Variants in DENND5B observed in about 807,000 individuals in gnomAD.
DENND5B encodes DENN domain containing 5B, also known as DENN domain-containing protein 5B.
DENND5B carries 34 observed loss-of-function variants against 140.6 expected under a neutral mutation model. The ratio of observed to expected loss-of-function variants is 0.24; its 90% CI spans 0.18 to 0.32. The LOEUF is 0.32. Ranked by LOEUF, DENND5B falls within the 10% of genes least tolerant of loss-of-function variation. DENND5B has a pLI of 1.00. For missense variants in DENND5B, 1,142 were observed against 1,560.2 expected (o/e 0.73, Z 4.52); for synonymous variants, 551 against 562.1 (o/e 0.98, Z 0.28).
intron 1 of DENND5B, among the ~76,000 whole-genome samples, chr12:31,571,534 T>G (rs1330535229): frequency 2.0e-5 from 3 of 152,206 alleles, no homozygotes; most frequent in East Asian, 3.8e-4. Context: ...AATTTCTATC[T>G]CTCAAAAGTA....
chr12:31,480,331 TAACA>T, intron 2 of DENND5B, 76 bp from the exon 3 acceptor site: 184 of 1,370,068 alleles, frequency 1.3e-4, no homozygotes, highest in Non-Finnish European at 1.6e-4. Flanking sequence ...GTTGTTTTTT[TAACA>T]TAACAGGATT....
At chr12:31,404,743 C>A (rs186900152) in intron 14 of DENND5B, among the ~76,000 whole-genome samples, 1 of 144,492 alleles carries the variant, frequency 6.9e-6, no homozygotes, top group Non-Finnish European at 1.5e-5. Flanking sequence ...CATAAGCCAC[C>A]GCGTCCGACC....
intron 3 of DENND5B, 132 bp downstream of exon 3, chr12:31,479,457 A>T: frequency 1.2e-6 from 1 of 851,852 alleles, no homozygotes; most frequent in Non-Finnish European, 1.6e-6. Context: ...GTCCCACCAT[A>T]CCTGCTCCCT....
chr12:31,389,526 C>T (rs1941017475), intron 19 of DENND5B, 28 bp from the exon 20 acceptor site: 3 of 1,547,642 alleles, frequency 1.9e-6, no homozygotes, highest in Non-Finnish European at 1.7e-6. Flanking sequence ...AATTATGTCA[C>T]AATATGTGTC....
At chr12:31,401,137 C>T (rs549671643) in intron 15 of DENND5B, among the ~76,000 whole-genome samples, 2 of 152,162 alleles carry the variant, frequency 1.3e-5, no homozygotes, top group Non-Finnish European at 2.9e-5. Context: ...GCCACTGGCC[C>T]GGCCAGAGCT....
At chr12:31,395,588 C>CA (rs1326089326) in intron 17 of DENND5B, among the ~76,000 whole-genome samples, 4 of 151,652 alleles carry the variant, frequency 2.6e-5, no homozygotes, top group Non-Finnish European at 5.9e-5. Context: ...AGCGAAAACT[C>CA]AGTCAAAACA....
At chr12:31,406,688 AAT>A (rs1323035317) in intron 14 of DENND5B, among the ~76,000 whole-genome samples, 1 of 152,222 alleles carries the variant, frequency 6.6e-6, no homozygotes, top group Non-Finnish European at 1.5e-5. Flanking sequence ...ATGAAAAAGC[AAT>A]ATGATTAAAT....
Position 31,395,942 on chromosome 12 carries a change from CAAAAAAAA to C in DENND5B, c.3256+2225_3256+2232del, listed in dbSNP as rs541816511. On this transcript the variant is annotated intron_variant, in intron 17 of 20. Coordinates refer to ENST00000389082, the MANE Select transcript of DENND5B (RefSeq NM_144973.4). ...AGTCAAAATTTAGTTATCACTGGGC[CAAAAAAAA>C]AAAAAAAAAAAAAGCAAGGTGTCAG... is the stretch of plus-strand genomic sequence containing the variant. Among the ~76,000 whole-genome samples, 13 of 91,758 alleles carry C rather than the reference CAAAAAAAA, an allele frequency of 1.4e-4. No individual in the cohort carries two copies. The East Asian group carries it at 2.9e-3, about 21-fold the overall frequency. The allele number at this position is 91,758 out of a possible 152,430, so 60.2% of individuals were successfully genotyped here.
intron 11 of DENND5B, among the ~76,000 whole-genome samples, chr12:31,417,082 C>T (rs546923315): frequency 9.5e-5 from 13 of 137,452 alleles, no homozygotes; most frequent in Non-Finnish European, 1.9e-4. Flanking sequence ...AAAGGCCAGG[C>T]GCTGTGGCTC....
At chr12:31,408,624 CAAAAAAAAAAAAA>C (rs33965275) in intron 14 of DENND5B, among the ~76,000 whole-genome samples, 8 of 71,960 alleles carry the variant, frequency 1.1e-4, no homozygotes, top group African/African-American at 3.7e-4. Flanking sequence ...GAGACTCTAT[CAAAAAAAAAAAAA>C]AAAAAAAAAA....
chr12:31,457,401 T>C (rs1315166508), intron 4 of DENND5B, among the ~76,000 whole-genome samples: 2 of 152,236 alleles, frequency 1.3e-5, no homozygotes, highest in Non-Finnish European at 1.5e-5. Flanking sequence ...GCAACTAAAA[T>C]CATACCTTCT....
rs1388216829 is a variant in DENND5B, at chr12:31,383,368, C to A, written c.*4235G>T. ...ACATAAGCTGTTGTATAGTCTTGAA[C>A]CTCTTTTTCACTTACATTTACATAT... On this transcript the variant is annotated 3_prime_UTR_variant, in exon 21 of 21. Coordinates refer to ENST00000389082, the MANE Select transcript of DENND5B (RefSeq NM_144973.4). The A allele has an allele frequency of 1.3e-5, 2 of 152,068 alleles. No individual in the cohort carries two copies. Among genetic ancestry groups the A allele is most frequent in the African/African-American group, 4.8e-5 (2 of 41,418 alleles). 9.4% of individuals were successfully genotyped at this position (152,068 alleles called of 1,614,324 possible). A position where few individuals can be genotyped will look rare whatever the true frequency, so the allele number is the denominator to read the frequency against.
At chr12:31,488,244 G>A (rs1430911852) in intron 2 of DENND5B, among the ~76,000 whole-genome samples, 3 of 151,690 alleles carry the variant, frequency 2.0e-5, no homozygotes, top group Admixed American at 6.6e-5. Flanking sequence ...CCAAAGTGCT[G>A]GGATTACAGT....
At chr12:31,413,705 A>C in intron 12 of DENND5B, 141 bp from the exon 13 acceptor site, 10 of 972,418 alleles carry the variant, frequency 1.0e-5, no homozygotes, top group Non-Finnish European at 1.4e-5. Flanking sequence ...ATGTTGATTA[A>C]ATCTTTGAAG....
intron 1 of DENND5B, among the ~76,000 whole-genome samples, chr12:31,557,715 TAG>T (rs1266872031): frequency 1.3e-5 from 2 of 150,544 alleles, no homozygotes; most frequent in East Asian, 3.9e-4. Flanking sequence ...TTAGGTATTT[TAG>T]AGAGTAGGGA....
At position 31,384,219 on chromosome 12, in the gene DENND5B, C is replaced by T. The variant is rs897949355; in HGVS notation, c.*3384G>A. ...GTTTTGTTTTTTTGAGATGGGGTTT[C>T]CCTATGTTACCCAGGCTGGACTCAA... On this transcript the variant is annotated 3_prime_UTR_variant, in exon 21 of 21. Coordinates refer to ENST00000389082, the MANE Select transcript of DENND5B (RefSeq NM_144973.4). The T allele has an allele frequency of 2.0e-5, 3 of 152,022 alleles. No homozygotes were observed. The highest frequency in any genetic ancestry group is 4.8e-5 in the African/African-American group (2 of 41,378). The allele number at this position is 152,022 out of a possible 1,614,324, so 9.4% of individuals were successfully genotyped here. A position where few individuals can be genotyped will look rare whatever the true frequency, so the allele number is the denominator to read the frequency against.
chr12:31,443,136 C>T (rs890884922), intron 6 of DENND5B, among the ~76,000 whole-genome samples: 3 of 152,150 alleles, frequency 2.0e-5, no homozygotes, highest in African/African-American at 7.2e-5. Flanking sequence ...AGTGCAATGG[C>T]GCGATCTCAG....
intron 14 of DENND5B, among the ~76,000 whole-genome samples, chr12:31,404,532 C>A (rs556321527): frequency 6.6e-6 from 1 of 152,182 alleles, no homozygotes; most frequent in Non-Finnish European, 1.5e-5. Flanking sequence ...TGGCTCACTG[C>A]AACCTCTGCC....
At chr12:31,431,982 G>A in intron 8 of DENND5B, 1 of 876,288 alleles carries the variant, frequency 1.1e-6, no homozygotes. Context: ...TAACATTCAA[G>A]TAACACCAAA....
Sources: allele counts gnomAD v4.1 joint callset (sites outside exome capture counted in the v4.1 genomes callset), GRCh38; gene constraint gnomAD v4.1.1; transcripts MANE v1.5; gene names NCBI Gene and HGNC (gene_info 2026-07-23, HGNC 2026-07-21).